The following KRABD5 variants were observed in gnomAD, a reference collection of about 807,000 sequenced individuals.
KRABD5 encodes KRAB domain containing 5, also known as KRAB domain-containing protein 5.
At chr16:31,751,162 C>CT in the KRABD5 span, among the ~76,000 whole-genome samples, 1 of 152,148 alleles carries the variant, frequency 6.6e-6, no homozygotes. Context: ...GGTAAATTAA[C>CT]TTTGAGTATG....
the KRABD5 span, chr16:31,755,623 A>G: frequency 2.1e-6 from 1 of 485,198 alleles, no homozygotes. Context: ...TTCATACTGG[A>G]GAGAAACCCT....
the KRABD5 span, among the ~76,000 whole-genome samples, chr16:31,716,185 C>A: frequency 6.6e-5 from 10 of 152,294 alleles, no homozygotes; most frequent in African/African-American, 2.4e-4. Context: ...CCTGAAACTG[C>A]AGCAGCAACC....
At chr16:31,749,844 G>A in the KRABD5 span, among the ~76,000 whole-genome samples, 92,113 of 151,920 alleles carry the variant, frequency 0.61, 28,964 homozygotes, top group Middle Eastern at 0.73. Flanking sequence ...TGTTCTTTTC[G>A]ATGGGAGCCT....
the KRABD5 span, chr16:31,760,478 G>A: frequency 8.2e-6 from 1 of 121,974 alleles, no homozygotes; most frequent in East Asian, 2.4e-4. Flanking sequence ...GAATTGTAGG[G>A]CCTCCGCATG....
At chr16:31,739,643 C>T in the KRABD5 span, among the ~76,000 whole-genome samples, 87 of 152,310 alleles carry the variant, frequency 5.7e-4, no homozygotes, top group African/African-American at 2.1e-3. Flanking sequence ...AAAGTTTCTA[C>T]TCTTTCCTCT....
chr16:31,754,102 T>C, the KRABD5 span: 1 of 715,760 alleles, frequency 1.4e-6, no homozygotes, highest in East Asian at 2.7e-5. Context: ...AAAGGAAATT[T>C]GGATAATCCG....
chr16:31,739,922 T>C, the KRABD5 span, among the ~76,000 whole-genome samples: 2 of 152,254 alleles, frequency 1.3e-5, no homozygotes, highest in Admixed American at 1.3e-4. Context: ...CTTCAGGACA[T>C]GCTCCTGCTA....
chr16:31,725,556 C>G, the KRABD5 span, among the ~76,000 whole-genome samples: 3 of 152,314 alleles, frequency 2.0e-5, no homozygotes, highest in South Asian at 4.1e-4. Context: ...TGGCATACAA[C>G]GTTTCCTTTT....
chr16:31,729,970 T>G, the KRABD5 span, among the ~76,000 whole-genome samples: 4 of 152,160 alleles, frequency 2.6e-5, no homozygotes, highest in Non-Finnish European at 5.9e-5. Flanking sequence ...TTTTTATATT[T>G]TGTATTCATT....
the KRABD5 span, among the ~76,000 whole-genome samples, chr16:31,746,209 T>C: frequency 6.6e-6 from 1 of 152,154 alleles, no homozygotes. Context: ...TTCTTCACAG[T>C]GTCATTAGTC....
At chr16:31,735,085 TTTTCTTTTCTTTCTC>T in the KRABD5 span, among the ~76,000 whole-genome samples, 8 of 150,514 alleles carry the variant, frequency 5.3e-5, no homozygotes, top group South Asian at 1.1e-3. Flanking sequence ...TTCTTTTCTC[TTTTCTTTTCTTTCTC>T]TCTCTTTCTT....
At chr16:31,738,033 G>C in the KRABD5 span, among the ~76,000 whole-genome samples, 1 of 151,992 alleles carries the variant, frequency 6.6e-6, no homozygotes, top group South Asian at 2.1e-4. Flanking sequence ...TTAATTTCTA[G>C]TTTTATTCTG....
the KRABD5 span, among the ~76,000 whole-genome samples, chr16:31,732,534 A>AT: frequency 4.6e-5 from 7 of 152,122 alleles, no homozygotes; most frequent in Non-Finnish European, 8.8e-5. Context: ...AGATTTATAT[A>AT]TTTTTTTAGC....
At chr16:31,759,623 A>G in the KRABD5 span, 1 of 455,644 alleles carries the variant, frequency 2.2e-6, no homozygotes, top group South Asian at 2.5e-5. Flanking sequence ...GTGGTACATG[A>G]TTAGTAGTTG....
chr16:31,715,948 A>G, the KRABD5 span, among the ~76,000 whole-genome samples: 1 of 152,198 alleles, frequency 6.6e-6, no homozygotes, highest in African/African-American at 2.4e-5. Context: ...GACTGAGGAC[A>G]GAAAGGGAAG....
At chr16:31,759,435 T>A in the KRABD5 span, 1 of 1,532,686 alleles carries the variant, frequency 6.5e-7, no homozygotes, top group Non-Finnish European at 8.8e-7. Context: ...GTGAATTTTC[T>A]GAGGGTGATG....
At chr16:31,742,851 A>AT in the KRABD5 span, among the ~76,000 whole-genome samples, 1 of 152,166 alleles carries the variant, frequency 6.6e-6, no homozygotes, top group Non-Finnish European at 1.5e-5. Flanking sequence ...AATGATTGCC[A>AT]TTCTGACTGG....
At chr16:31,741,465 C>T in the KRABD5 span, among the ~76,000 whole-genome samples, 3 of 152,108 alleles carry the variant, frequency 2.0e-5, no homozygotes, top group Non-Finnish European at 2.9e-5. Flanking sequence ...TGGCACTTGC[C>T]AGCATCTGTT....
the KRABD5 span, among the ~76,000 whole-genome samples, chr16:31,738,782 C>T: frequency 4.6e-5 from 7 of 151,978 alleles, no homozygotes; most frequent in African/African-American, 1.4e-4. Context: ...CCTTAGTGTT[C>T]TGTTGATTTT....
Sources: gnomAD v4.1 joint callset for allele counts (sites outside exome capture counted in the v4.1 genomes callset) on GRCh38, gnomAD v4.1.1 for gene constraint, MANE v1.5 for transcripts, NCBI Gene and HGNC (gene_info 2026-07-23, HGNC 2026-07-21) for gene names.